MKLN1: variants seen among roughly 807,000 people sequenced by gnomAD.
MKLN1 encodes muskelin.
A neutral mutation model predicts 99.0 loss-of-function variants in MKLN1; 18 were observed. The ratio of observed to expected loss-of-function variants is 0.18; its 90% CI spans 0.13 to 0.27. The LOEUF (loss-of-function observed/expected upper bound fraction) is 0.27. Among genes scored for constraint, MKLN1 ranks in the 10% least tolerant of loss-of-function variants. The pLI is 1.00. For synonymous variants in MKLN1, 288 were observed against 293.2 expected (o/e 0.98, Z 0.18); for missense variants, 621 against 875.9 (o/e 0.71, Z 3.67).
chr7:131,382,821 T>A (rs1793891911), intron 2 of MKLN1, among the ~76,000 whole-genome samples: 1 of 151,900 alleles, frequency 6.6e-6, no homozygotes, highest in African/African-American at 2.4e-5. Flanking sequence ...CCCCATAGGT[T>A]CATGCCATTC....
intron 8 of MKLN1, among the ~76,000 whole-genome samples, chr7:131,417,354 T>G (rs1165427983): frequency 1.3e-5 from 2 of 152,228 alleles, no homozygotes; most frequent in Non-Finnish European, 2.9e-5. Context: ...AGTGCTTTCT[T>G]TTTTTCTTTT....
At chr7:131,240,261 A>C (rs2116492257) in intron 3 of MKLN1, among the ~76,000 whole-genome samples, 1 of 152,120 alleles carries the variant, frequency 6.6e-6, no homozygotes, top group East Asian at 1.9e-4. Flanking sequence ...GAATACTATA[A>C]AGTTAAAAGG....
In MKLN1 at chr7:131,386,307, C is replaced by T. The variant is rs375001942; in HGVS notation, c.169-813C>T. Among the ~76,000 whole-genome samples the T allele has an allele frequency of 6.0e-4, 92 of 152,244 alleles. 1 individual carries two copies. The highest frequency in any genetic ancestry group is 2.2e-3 in the Admixed American group (33 of 15,288). ...GATTACAGGTGTGAGCCACCGCACC[C>T]GGCCAGGTCTTCAGTCCTAAAGGAT... On this transcript the variant is annotated intron_variant, in intron 2 of 17. Transcript: ENST00000352689.
At chr7:131,203,416 T>C in intron 3 of MKLN1, among the ~76,000 whole-genome samples, 1 of 151,798 alleles carries the variant, frequency 6.6e-6, no homozygotes, top group East Asian at 1.9e-4. Flanking sequence ...AAAAAAAGAG[T>C]GAGGAAATTT....
intron 2 of MKLN1, among the ~76,000 whole-genome samples, chr7:131,198,314 G>A (rs1796678715): frequency 1.3e-5 from 2 of 152,332 alleles, no homozygotes; most frequent in South Asian, 4.1e-4. Flanking sequence ...CAAACACTAA[G>A]TTGAGCAAAG....
chr7:131,430,988 G>A (rs1795506399), intron 9 of MKLN1, among the ~76,000 whole-genome samples: 1 of 152,186 alleles, frequency 6.6e-6, no homozygotes, highest in East Asian at 1.9e-4. Flanking sequence ...TCGGGAGAGC[G>A]AGGCCAGCAG....
chr7:131,459,136 G>T (rs1431008804), intron 12 of MKLN1, among the ~76,000 whole-genome samples: 4 of 152,200 alleles, frequency 2.6e-5, no homozygotes, highest in African/African-American at 4.8e-5. Context: ...ATGATTTAAT[G>T]CAGGTAGACT....
At chr7:131,381,346 T>C (rs1308989835) in intron 2 of MKLN1, among the ~76,000 whole-genome samples, 1 of 152,174 alleles carries the variant, frequency 6.6e-6, no homozygotes, top group African/African-American at 2.4e-5. Flanking sequence ...TAACCACATA[T>C]ATGATGACAG....
intron 2 of MKLN1, among the ~76,000 whole-genome samples, chr7:131,172,168 T>G (rs965341790): frequency 3.9e-5 from 6 of 151,980 alleles, no homozygotes; most frequent in Admixed American, 2.6e-4. Flanking sequence ...TGAGATGGAG[T>G]CTCGCTCTGT....
At chr7:131,483,881 TG>T (rs765246711) in intron 17 of MKLN1, among the ~76,000 whole-genome samples, 11 of 152,214 alleles carry the variant, frequency 7.2e-5, no homozygotes, top group Non-Finnish European at 1.0e-4. Flanking sequence ...AGTATTGGTT[TG>T]GGGGTTACAC....
At position 131,157,512 on chromosome 7, in the gene MKLN1, T is replaced by C. The variant is rs114144764; in HGVS notation, c.-297+14571T>C. Among the ~76,000 whole-genome samples the C allele has an allele frequency of 5.3e-3, 814 of 152,342 alleles. 5 individuals are homozygous for C. The highest frequency in any genetic ancestry group is 0.017 in the African/African-American group (717 of 41,586). ...TAACATAGGTGTGATATCTACCTCATAGAATTGTTGGAGGACTAAATGAGA... is the reference window on the plus strand; with the variant it reads ...TAACATAGGTGTGATATCTACCTCACAGAATTGTTGGAGGACTAAATGAGA... On this transcript the variant is annotated intron_variant, in intron 2 of 7. Transcript: ENST00000416992.
At chr7:131,262,326 A>G (rs1271920115) in intron 3 of MKLN1, among the ~76,000 whole-genome samples, 1 of 151,822 alleles carries the variant, frequency 6.6e-6, no homozygotes, top group Non-Finnish European at 1.5e-5. Context: ...AGTACCAGCT[A>G]CTTGGGAGGC....
chr7:131,112,752 T>C (rs1795218912), intron 1 of MKLN1, among the ~76,000 whole-genome samples: 1 of 152,072 alleles, frequency 6.6e-6, no homozygotes, highest in Non-Finnish European at 1.5e-5. Flanking sequence ...ATGATCAAAG[T>C]GGTGGAATGA....
chr7:131,196,208 G>A (rs1299458652), intron 2 of MKLN1, among the ~76,000 whole-genome samples: 1 of 152,130 alleles, frequency 6.6e-6, no homozygotes, highest in Non-Finnish European at 1.5e-5. Flanking sequence ...GCACATGGAA[G>A]CTGGATGAGA....
intron 1 of MKLN1, among the ~76,000 whole-genome samples, chr7:131,335,472 T>C (rs1330177441): frequency 6.6e-6 from 1 of 152,116 alleles, no homozygotes; most frequent in East Asian, 1.9e-4. Flanking sequence ...AAAAAAGTTG[T>C]TGAATGGCAG....
At chr7:131,120,562 A>AAAG (rs1234314810) in intron 1 of MKLN1, among the ~76,000 whole-genome samples, 6 of 147,992 alleles carry the variant, frequency 4.1e-5, no homozygotes, top group East Asian at 4.0e-4. Context: ...AAAAAAAAAA[A>AAAG]AAAGAAAAAA....
intron 1 of MKLN1, among the ~76,000 whole-genome samples, chr7:131,336,042 A>G (rs1300917171): frequency 1.3e-5 from 2 of 151,292 alleles, no homozygotes; most frequent in African/African-American, 4.9e-5. Context: ...CTTGAGGTTA[A>G]GTGTCAAATG....
intron 6 of MKLN1, 116 bp from the exon 7 acceptor site, chr7:131,411,190 A>G (rs1018768047): frequency 8.7e-6 from 5 of 577,770 alleles, no homozygotes; most frequent in African/African-American, 7.6e-5. Context: ...GTGCTTTTGT[A>G]TTAGTGACAT....
chr7:131,139,962 T>A (rs1337384660), intron 1 of MKLN1, among the ~76,000 whole-genome samples: 1 of 152,166 alleles, frequency 6.6e-6, no homozygotes, highest in Admixed American at 6.5e-5. Context: ...TCAGAGATCC[T>A]CTGAGGTGAG....
Sources: allele counts gnomAD v4.1 joint callset (sites outside exome capture counted in the v4.1 genomes callset), GRCh38; gene constraint gnomAD v4.1.1; transcripts MANE v1.5; gene names NCBI Gene and HGNC (gene_info 2026-07-23, HGNC 2026-07-21).